The following GALNT11 variants were observed in gnomAD, a reference collection of about 807,000 sequenced individuals.
GALNT11 encodes the protein UDP-GalNAc:polypeptide N-acetylgalactosaminyltransferase 11.
Under a neutral mutation model 72.7 loss-of-function variants are expected in GALNT11, and 47 were observed. The ratio of observed to expected loss-of-function variants is 0.65; its 90% confidence interval spans 0.51 to 0.82. The LOEUF is 0.82. Ranked by LOEUF, GALNT11 falls within the 40% of genes least tolerant of loss-of-function variation. GALNT11 has a pLI of 0.00. For missense variants in GALNT11, 677 were observed against 778.4 expected, an observed-to-expected ratio of 0.87 and a Z score of 1.55; for synonymous variants, 270 against 286.6, an observed-to-expected ratio of 0.94 and a Z score of 0.58.
chr7:152,113,709 T>TTTC, intron 8 of GALNT11, among the ~76,000 whole-genome samples: 4 of 117,438 alleles, frequency 3.4e-5, no homozygotes, highest in Admixed American at 1.1e-4. Context: ...AAAAGTTGGC[T>TTTC]TTCTTTTTTT....
chr7:152,107,050 T>C (rs1356440395), intron 5 of GALNT11, among the ~76,000 whole-genome samples: 1 of 152,186 alleles, frequency 6.6e-6, no homozygotes, highest in African/African-American at 2.4e-5. Flanking sequence ...ACGGGCATCA[T>C]TGAAAACTGT....
At chr7:152,049,536 C>T (rs1282703752) in intron 1 of GALNT11, among the ~76,000 whole-genome samples, 1 of 152,162 alleles carries the variant, frequency 6.6e-6, no homozygotes, top group Non-Finnish European at 1.5e-5. Flanking sequence ...GAAACAAGCA[C>T]TGCTGTGGCC....
intron 1 of GALNT11, among the ~76,000 whole-genome samples, chr7:152,054,426 T>G (rs947805671): frequency 1.3e-5 from 2 of 151,140 alleles, no homozygotes; most frequent in Non-Finnish European, 2.9e-5. Flanking sequence ...TCCTGCACAG[T>G]GATCTTTCCA....
chr7:152,061,756 G>C (rs939845908), intron 1 of GALNT11, among the ~76,000 whole-genome samples: 1 of 152,074 alleles, frequency 6.6e-6, no homozygotes, highest in African/African-American at 2.4e-5. Flanking sequence ...TATTGTTTTT[G>C]TCAGGTTTGT....
Position 152,034,464 on chromosome 7 carries a change from C to T in GALNT11, c.-39+8580C>T, listed in dbSNP as rs542587939. Reference sequence around the variant, plus strand: ...AGAATATGGGGGCCAGGCCATAGTGCGGTAAAAATGAGCCACCTCTTTTTC... The same window carrying T: ...AGAATATGGGGGCCAGGCCATAGTGTGGTAAAAATGAGCCACCTCTTTTTC... On this transcript the variant is annotated intron_variant, in intron 1 of 11. Transcript: ENST00000430044. Among the ~76,000 whole-genome samples the T allele has an allele frequency of 2.0e-4, 31 of 152,194 alleles. 1 individual carries two copies. The highest frequency in any genetic ancestry group is 2.1e-4 in the South Asian group (1 of 4,814).
At chr7:152,047,879 A>G (rs2083218818) in intron 1 of GALNT11, among the ~76,000 whole-genome samples, 1 of 151,754 alleles carries the variant, frequency 6.6e-6, no homozygotes, top group Admixed American at 6.5e-5. Context: ...AACTTGTTGT[A>G]GTAATTATTT....
intron 1 of GALNT11, among the ~76,000 whole-genome samples, chr7:152,080,388 C>T (rs1050066765): frequency 2.6e-5 from 4 of 152,014 alleles, no homozygotes; most frequent in African/African-American, 9.7e-5. Context: ...AAATTTTTTA[C>T]CTCATTTATT....
At position 152,100,906 on chromosome 7, in the gene GALNT11, A is replaced by C. The variant is rs1044763417; in HGVS notation, c.404A>C (p.Asp135Ala). ...DRLGYHRDVPDTRNAACKEKF... is the reference protein window; with the variant it reads ...DRLGYHRDVPATRNAACKEKF... ...TTGGGCTACCACAGAGATGTGCCAG[A>C]CACAAGGAATGCAGCGTATGTGCCT... The change falls in exon 3 of 12, where the codon GAC becomes GCC. Residue 135 changes from aspartate (D) to alanine (A), a missense_variant. By Grantham distance (126) the Asp-to-Ala change is moderately radical. Coordinates refer to ENST00000430044, the MANE Select transcript of GALNT11 (RefSeq NM_022087.4). The C allele has an allele frequency of 2.5e-6, 4 of 1,613,968 alleles. No homozygotes were observed. The highest frequency in any genetic ancestry group is 3.4e-6 in the Non-Finnish European group (4 of 1,179,936).
At chr7:152,027,289 ATATGTATT>A (rs1371844756) in intron 1 of GALNT11, among the ~76,000 whole-genome samples, 1 of 152,242 alleles carries the variant, frequency 6.6e-6, no homozygotes, top group Non-Finnish European at 1.5e-5. Context: ...CATAGTAGGC[ATATGTATT>A]TATAGGTACA....
Position 152,108,307 on chromosome 7 carries a change from TGAC to T in GALNT11, c.962+21_962+23del. On this transcript the variant is annotated intron_variant, in intron 6 of 11. Coordinates refer to ENST00000430044, the MANE Select transcript of GALNT11 (RefSeq NM_022087.4). ...AATAAAGTAAGATCGCTCCTTTGTT[TGAC>T]AAATTCCTACCAGTGCTTCCTTAAA... 1 of 1,590,694 alleles carries T rather than the reference TGAC, an allele frequency of 6.3e-7. No homozygotes were observed. Among genetic ancestry groups the T allele is most frequent in the African/African-American group, 1.3e-5 (1 of 74,500 alleles).
chr7:152,108,011 C>T (rs763582255), intron 5 of GALNT11, 27 bp from the exon 6 acceptor site: 2 of 1,592,270 alleles, frequency 1.3e-6, no homozygotes, highest in Non-Finnish European at 1.7e-6. Flanking sequence ...GTGACACTCT[C>T]CTGAGCCTCT....
At chr7:152,097,681 G>T (rs1228620656) in intron 2 of GALNT11, among the ~76,000 whole-genome samples, 1 of 152,238 alleles carries the variant, frequency 6.6e-6, no homozygotes, top group Non-Finnish European at 1.5e-5. Context: ...AGAAGGGAAT[G>T]ACGTTGTGAT....
intron 4 of GALNT11, chr7:152,103,570 T>G: frequency 6.7e-6 from 2 of 300,592 alleles, no homozygotes; most frequent in Non-Finnish European, 1.3e-5. Flanking sequence ...AAAGACGGCC[T>G]ATGTACCTTT....
At chr7:152,090,239 T>G (rs531489376) in intron 1 of GALNT11, among the ~76,000 whole-genome samples, 1 of 152,352 alleles carries the variant, frequency 6.6e-6, no homozygotes, top group African/African-American at 2.4e-5. Context: ...TGTCACAATT[T>G]TGCAAAGGCA....
intron 1 of GALNT11, among the ~76,000 whole-genome samples, chr7:152,036,786 T>G (rs2082602499): frequency 6.6e-6 from 1 of 152,212 alleles, no homozygotes; most frequent in Non-Finnish European, 1.5e-5. Context: ...CCATTTTAAC[T>G]GGGGTGAGAT....
chr7:152,059,142 C>T (rs1234362259), intron 1 of GALNT11, among the ~76,000 whole-genome samples: 1 of 152,200 alleles, frequency 6.6e-6, no homozygotes, highest in Non-Finnish European at 1.5e-5. Flanking sequence ...GTCACCCAGG[C>T]TGGAGTGCAG....
chr7:152,072,101 C>A (rs1237407289), intron 1 of GALNT11, among the ~76,000 whole-genome samples: 1 of 151,264 alleles, frequency 6.6e-6, no homozygotes, highest in Non-Finnish European at 1.5e-5. Context: ...AGGTGGATCA[C>A]TTGAGGTCAG....
At chr7:152,035,125 A>G (rs1423483715) in intron 1 of GALNT11, among the ~76,000 whole-genome samples, 1 of 152,172 alleles carries the variant, frequency 6.6e-6, no homozygotes, top group Admixed American at 6.5e-5. Context: ...AGCTCCCCGT[A>G]TCCTAGCTTC....
chr7:152,099,087 G>A (rs1050671593), intron 2 of GALNT11, among the ~76,000 whole-genome samples: 25 of 151,184 alleles, frequency 1.7e-4, no homozygotes, highest in African/African-American at 5.8e-4. Flanking sequence ...GATTACAGGC[G>A]TGTGCCACCA....
Sources: allele counts gnomAD v4.1 joint callset (sites outside exome capture counted in the v4.1 genomes callset), GRCh38; gene constraint gnomAD v4.1.1; transcripts MANE v1.5; gene names NCBI Gene and HGNC (gene_info 2026-07-23, HGNC 2026-07-21).